TAFA1: variants seen among roughly 807,000 people sequenced by gnomAD.
The protein encoded by TAFA1 is TAFA chemokine like family member 1.
In TAFA1, 4 loss-of-function variants were observed where a neutral mutation model predicts 18.5. That is an observed-to-expected ratio of 0.22 (90% CI 0.11 to 0.49). The LOEUF is 0.49. Ranked by LOEUF, TAFA1 falls within the 20% of genes least tolerant of loss-of-function variation. The pLI is 0.98. For missense variants in TAFA1, 147 were observed against 169.0 expected, an observed-to-expected ratio of 0.87 and a Z score of 0.72; for synonymous variants, 56 against 55.2, an observed-to-expected ratio of 1.01 and a Z score of -0.06.
At chr3:68,525,765 T>G (rs752168945) in intron 3 of TAFA1, among the ~76,000 whole-genome samples, 17 of 152,232 alleles carry the variant, frequency 1.1e-4, no homozygotes, top group Non-Finnish European at 1.9e-4. Flanking sequence ...TTTTTGAAGT[T>G]AATTACAGCA....
At chr3:68,515,973 G>C (rs2072914486) in intron 3 of TAFA1, among the ~76,000 whole-genome samples, 1 of 152,180 alleles carries the variant, frequency 6.6e-6, no homozygotes, top group Non-Finnish European at 1.5e-5. Flanking sequence ...TTATTTGCAG[G>C]CTGCACTGGC....
chr3:68,439,177 T>C (rs942820604), intron 3 of TAFA1, among the ~76,000 whole-genome samples: 1 of 151,698 alleles, frequency 6.6e-6, no homozygotes, highest in African/African-American at 2.4e-5. Flanking sequence ...AGGCTGAGAG[T>C]TTTCCAAATC....
intron 3 of TAFA1, among the ~76,000 whole-genome samples, chr3:68,490,331 T>C (rs2106679221): frequency 6.6e-6 from 1 of 152,308 alleles, no homozygotes; most frequent in Non-Finnish European, 1.5e-5. Context: ...CAGGTAGCCA[T>C]TGATAAGGTT....
At chr3:68,327,744 A>G (rs1339115930) in intron 2 of TAFA1, among the ~76,000 whole-genome samples, 1 of 152,176 alleles carries the variant, frequency 6.6e-6, no homozygotes, top group African/African-American at 2.4e-5. Flanking sequence ...ATCAATTAAC[A>G]TGCATAAAAA....
At chr3:68,193,373 T>C (rs1030180632) in intron 2 of TAFA1, among the ~76,000 whole-genome samples, 8 of 151,826 alleles carry the variant, frequency 5.3e-5, no homozygotes, top group African/African-American at 1.9e-4. Context: ...TTACCAAAAA[T>C]GTCAAGGAAA....
chr3:68,078,466 T>C (rs985384432), intron 2 of TAFA1, among the ~76,000 whole-genome samples: 7 of 152,346 alleles, frequency 4.6e-5, no homozygotes, highest in South Asian at 2.1e-4. Flanking sequence ...ATAGCTCTTA[T>C]TATCTTGAGA....
At chr3:68,021,749 G>A (rs977817209) in intron 2 of TAFA1, among the ~76,000 whole-genome samples, 5 of 152,164 alleles carry the variant, frequency 3.3e-5, no homozygotes, top group Non-Finnish European at 2.9e-5. Context: ...TATGATTTAA[G>A]ACTCCAGGGA....
chr3:68,331,815 C>G (rs1473431930), intron 2 of TAFA1, among the ~76,000 whole-genome samples: 1 of 149,890 alleles, frequency 6.7e-6, no homozygotes, highest in Non-Finnish European at 1.5e-5. Flanking sequence ...TCAATAAAGG[C>G]ACCAAGAATG....
At chr3:68,434,747 T>C (rs2106847330) in intron 3 of TAFA1, among the ~76,000 whole-genome samples, 1 of 152,208 alleles carries the variant, frequency 6.6e-6, no homozygotes, top group South Asian at 2.1e-4. Flanking sequence ...TGACAGAATT[T>C]GGTATACATT....
chr3:68,366,942 C>G (rs1049579329), intron 2 of TAFA1, among the ~76,000 whole-genome samples: 2 of 152,200 alleles, frequency 1.3e-5, no homozygotes, highest in Admixed American at 6.5e-5. Flanking sequence ...TCAATTGTGA[C>G]ACTCTGGACA....
chr3:68,072,031 A>G (rs542225919), intron 2 of TAFA1, among the ~76,000 whole-genome samples: 2 of 152,344 alleles, frequency 1.3e-5, no homozygotes, highest in African/African-American at 4.8e-5. Context: ...TGAGAATAGC[A>G]ATAGTATTTT....
At chr3:68,188,056 A>G (rs2066291517) in intron 2 of TAFA1, among the ~76,000 whole-genome samples, 1 of 152,040 alleles carries the variant, frequency 6.6e-6, no homozygotes, top group African/African-American at 2.4e-5. Context: ...TATTCTGAAT[A>G]TAAGACCTTG....
intron 3 of TAFA1, among the ~76,000 whole-genome samples, chr3:68,469,289 G>A (rs1301161515): frequency 6.6e-6 from 1 of 152,124 alleles, no homozygotes; most frequent in Admixed American, 6.5e-5. Flanking sequence ...AGACATCATT[G>A]CTGTCCAGTG....
intron 2 of TAFA1, among the ~76,000 whole-genome samples, chr3:68,115,646 T>G (rs1387813476): frequency 1.3e-5 from 2 of 152,136 alleles, no homozygotes; most frequent in Non-Finnish European, 2.9e-5. Flanking sequence ...GAACGGTCAG[T>G]CATGCCGGAG....
intron 3 of TAFA1, among the ~76,000 whole-genome samples, chr3:68,534,678 C>T (rs1332417758): frequency 6.6e-6 from 1 of 152,078 alleles, no homozygotes; most frequent in Admixed American, 6.5e-5. Context: ...CCCCTATGAA[C>T]CAGTGGATCT....
intron 3 of TAFA1, among the ~76,000 whole-genome samples, chr3:68,486,082 ATTTTATTTTATTTTATTTTG>A (rs1321503615): frequency 0.036 from 1,675 of 46,390 alleles, 51 homozygotes; most frequent in African/African-American, 0.13. Context: ...TTTTTATTTT[ATTTTATTTTATTTTATTTTG>A]TTTTATTTTA....
chr3:68,337,815 A>G (rs543082974), intron 2 of TAFA1, among the ~76,000 whole-genome samples: 1 of 152,158 alleles, frequency 6.6e-6, no homozygotes, highest in Non-Finnish European at 1.5e-5. Context: ...ATGTGAAGTG[A>G]GGTACACATC....
chr3:68,535,769 C>G (rs1360310992), intron 3 of TAFA1, among the ~76,000 whole-genome samples: 2 of 151,448 alleles, frequency 1.3e-5, no homozygotes, highest in African/African-American at 4.9e-5. Context: ...AGACTCAGAC[C>G]ATAGTAATCT....
At chr3:68,425,817 A>C (rs1364784745) in intron 3 of TAFA1, among the ~76,000 whole-genome samples, 3 of 151,878 alleles carry the variant, frequency 2.0e-5, no homozygotes, top group Non-Finnish European at 4.4e-5. Context: ...GGCAAAAACC[A>C]TTCTCAGACC....
Sources: gnomAD v4.1 joint callset for allele counts (sites outside exome capture counted in the v4.1 genomes callset) on GRCh38, gnomAD v4.1.1 for gene constraint, MANE v1.5 for transcripts, NCBI Gene and HGNC (gene_info 2026-07-23, HGNC 2026-07-21) for gene names.